TEX14: variants seen among roughly 807,000 people sequenced by gnomAD.
The protein encoded by TEX14 is testis expressed 14, intercellular bridge forming factor.
Under a neutral mutation model 178.6 loss-of-function variants are expected in TEX14, and 168 were observed. The ratio of observed to expected loss-of-function variants is 0.94; its 90% CI spans 0.83 to 1.07. TEX14 has a LOEUF of 1.07. TEX14 is among the 50% of genes least tolerant of loss of function. The probability of loss-of-function intolerance (pLI) is 0.00; values close to 1 mark genes in which losing one functional copy is unlikely to be tolerated. For missense variants in TEX14, 1,730 were observed against 1,753.6 expected (o/e 0.99, Z 0.24); for synonymous variants, 626 against 634.1 (o/e 0.99, Z 0.19).
intron 2 of TEX14, among the ~76,000 whole-genome samples, chr17:58,650,794 A>G (rs919846010): frequency 8.5e-5 from 13 of 152,238 alleles, no homozygotes; most frequent in Admixed American, 7.9e-4. Flanking sequence ...TTTATGAGAG[A>G]ACTATTCAGT....
intron 19 of TEX14, among the ~76,000 whole-genome samples, chr17:58,579,940 T>A (rs530720184): frequency 6.6e-6 from 1 of 152,268 alleles, no homozygotes; most frequent in South Asian, 2.1e-4. Flanking sequence ...TCACCTCTCA[T>A]TGTGAAGAGG....
At chr17:58,565,052 G>A (rs1053469051) in intron 27 of TEX14, 84 bp from the exon 28 acceptor site, 3 of 812,998 alleles carry the variant, frequency 3.7e-6, no homozygotes, top group Non-Finnish European at 5.9e-6. Flanking sequence ...CAAAAATTAA[G>A]GCCAATCAGT....
At chr17:58,605,216 G>C in intron 10 of TEX14, 87 bp from the exon 11 acceptor site, 1 of 1,470,418 alleles carries the variant, frequency 6.8e-7, no homozygotes, top group South Asian at 1.3e-5. Flanking sequence ...CATTCATTCA[G>C]AGTCTTGCCC....
At chr17:58,631,885 A>G (rs149213831) in intron 2 of TEX14, 10 of 152,300 alleles carry the variant, frequency 6.6e-5, no homozygotes, top group African/African-American at 1.9e-4. Flanking sequence ...CACACATATT[A>G]TGCTGATGGT....
intron 10 of TEX14, among the ~76,000 whole-genome samples, chr17:58,607,530 A>C (rs2045638766): frequency 6.6e-6 from 1 of 152,182 alleles, no homozygotes; most frequent in African/African-American, 2.4e-5. Flanking sequence ...GTCTCTAACC[A>C]ATCAATTGGG....
chr17:58,668,686 C>T (rs569116798), intron 1 of TEX14, among the ~76,000 whole-genome samples: 148 of 152,262 alleles, frequency 9.7e-4, no homozygotes, highest in Non-Finnish European at 1.7e-3. Context: ...CCAGAGAGGA[C>T]TTCTTTTTTT....
At chr17:58,568,925 G>A (rs1351554771) in intron 26 of TEX14, among the ~76,000 whole-genome samples, 1 of 152,136 alleles carries the variant, frequency 6.6e-6, no homozygotes, top group East Asian at 1.9e-4. Flanking sequence ...CCACTTGAAT[G>A]TTACTTCCCC....
chr17:58,658,629 G>T (rs1428681529), intron 1 of TEX14, among the ~76,000 whole-genome samples: 1 of 151,870 alleles, frequency 6.6e-6, no homozygotes, highest in African/African-American at 2.4e-5. Context: ...GACTTCAAGT[G>T]ATCCACCCAC....
intron 5 of TEX14, among the ~76,000 whole-genome samples, chr17:58,620,747 A>G (rs770048445): frequency 6.6e-6 from 1 of 152,096 alleles, no homozygotes; most frequent in Non-Finnish European, 1.5e-5. Flanking sequence ...CACCCACCTC[A>G]ACCTCCAAAA....
Position 58,584,567 on chromosome 17 carries a change from T to C in TEX14, c.3104A>G (p.Gln1035Arg), listed in dbSNP as rs1014883923. The C allele has an allele frequency of 2.5e-6, 4 of 1,614,056 alleles. No homozygotes were observed. Among genetic ancestry groups the C allele is most frequent in the Admixed American group, 1.7e-5 (1 of 60,004 alleles). Residue 1035 changes from glutamine (Q) to arginine (R), a missense_variant, in exon 19 of 32, where the codon CAA (glutamine) becomes CGA (arginine). By Grantham distance (43) the Gln-to-Arg change is conservative. Around this residue, in one of 2 missense-constraint regions of TEX14, gnomAD observed 941 missense variants for 1,072.4 expected, o/e 0.88. Transcript: ENST00000349033. ...TTGGAAGGCTTCACTATGCTCTGGT[T>C]GCTCCTTTTGTCTGGGAGATGGGTG... ...IRHPSPRQKE[Q>R]PEHSEAFQAS...
intron 23 of TEX14, 21 bp from the exon 24 acceptor site, chr17:58,572,147 G>A (rs1421887878): frequency 1.3e-6 from 2 of 1,561,940 alleles, no homozygotes; most frequent in African/African-American, 1.4e-5. Flanking sequence ...AAAGCGGAAG[G>A]TTACTGTCTG....
intron 2 of TEX14, among the ~76,000 whole-genome samples, chr17:58,647,058 A>G (rs1241944656): frequency 6.6e-6 from 1 of 151,848 alleles, no homozygotes. Context: ...GGTATACGCC[A>G]CCATGCCTAT....
chr17:58,670,641 C>T (rs557091217), intron 1 of TEX14, among the ~76,000 whole-genome samples: 32 of 151,524 alleles, frequency 2.1e-4, no homozygotes, highest in Non-Finnish European at 4.3e-4. Flanking sequence ...GGTGTGGTGG[C>T]AGGCACCTGT....
intron 2 of TEX14, chr17:58,647,963 G>T (rs1192053272): frequency 6.6e-6 from 1 of 152,384 alleles, no homozygotes; most frequent in Non-Finnish European, 1.5e-5. Context: ...CTCCCAAAGT[G>T]CTGGGATTAC....
chr17:58,642,088 C>T (rs1044628657), intron 2 of TEX14, among the ~76,000 whole-genome samples: 7 of 152,200 alleles, frequency 4.6e-5, no homozygotes, highest in Non-Finnish European at 1.0e-4. Context: ...GACTCATCTT[C>T]CTGGCTTCTA....
chr17:58,557,650 A>G lies in TEX14; in HGVS notation c.4319+149T>C, dbSNP rs538862987. On this transcript the variant is annotated intron_variant, in intron 31 of 31. Transcript: ENST00000349033. ...TTCACTTTATAGTTTAATTAACTAT[A>G]AACACTAACATTTTAAAAATTAAGC... The G allele has an allele frequency of 5.1e-5, 30 of 591,554 alleles. 1 individual carries two copies. The South Asian group carries it at 7.0e-4, about 14-fold the overall frequency. The allele number at this position is 591,554 out of a possible 1,614,324, so 36.6% of individuals were successfully genotyped here. A position where few individuals can be genotyped will look rare whatever the true frequency, so the allele number is the denominator to read the frequency against.
At chr17:58,558,862 C>T (rs931384380) in intron 30 of TEX14, among the ~76,000 whole-genome samples, 2 of 151,980 alleles carry the variant, frequency 1.3e-5, no homozygotes, top group African/African-American at 4.8e-5. Flanking sequence ...CTTTGGAAGA[C>T]GTTGGACAAT....
chr17:58,670,225 C>G (rs1484022409), intron 1 of TEX14, among the ~76,000 whole-genome samples: 1 of 152,040 alleles, frequency 6.6e-6, no homozygotes, highest in African/African-American at 2.4e-5. Flanking sequence ...AGTCAGTTTC[C>G]TGGGCTAGAC....
chr17:58,617,417 A>C, intron 6 of TEX14, 121 bp downstream of exon 6: 4 of 702,396 alleles, frequency 5.7e-6, no homozygotes, highest in Non-Finnish European at 9.7e-6. Flanking sequence ...TAGGGGCAAA[A>C]AAGAAAAGAA....
Sources: allele counts gnomAD v4.1 joint callset (sites outside exome capture counted in the v4.1 genomes callset), GRCh38; gene constraint gnomAD v4.1.1; regional missense constraint gnomAD v4.1.1; transcripts MANE v1.5; gene names NCBI Gene and HGNC (gene_info 2026-07-23, HGNC 2026-07-21).